Variants in TCFL5 observed in about 807,000 individuals in gnomAD.
TCFL5 encodes transcription factor-like 5 protein.
In TCFL5, 9 loss-of-function variants were observed where a neutral mutation model predicts 44.3. The observed-to-expected ratio is 0.20, with a 90% confidence interval of 0.12 to 0.35. The LOEUF (loss-of-function observed/expected upper bound fraction) is 0.35. Ranked by LOEUF, TCFL5 falls within the 10% of genes least tolerant of loss-of-function variation. The pLI, the probability that TCFL5 is intolerant of heterozygous loss-of-function variation, is 1.00. For missense variants in TCFL5, 603 were observed against 613.4 expected (o/e 0.98, Z 0.18); for synonymous variants, 319 against 271.6 (o/e 1.17, Z -1.72).
chr20:62,852,739 T>G, intron 5 of TCFL5: 1 of 1,278,816 alleles, frequency 7.8e-7, no homozygotes, highest in East Asian at 5.6e-5. Context: ...GACAGAAGCA[T>G]AGTCACCTGG....
At position 62,861,291 on chromosome 20, in the gene TCFL5, TG is replaced by T; in HGVS notation, c.379del (p.Gln127ArgfsTer5). The T allele has an allele frequency of 8.3e-7, 1 of 1,208,390 alleles. No individual in the cohort carries two copies. Among genetic ancestry groups the T allele is most frequent in the Non-Finnish European group, 1.0e-6 (1 of 954,508 alleles). 74.9% of individuals were successfully genotyped at this position (1,208,390 alleles called of 1,614,324 possible). On this transcript the variant is annotated frameshift_variant, in exon 1 of 6. Coordinates refer to ENST00000335351, the MANE Select transcript of TCFL5 (RefSeq NM_006602.4). LOFTEE classifies it high-confidence loss of function. The surrounding 1 kb of genome is among the most constrained non-coding windows in gnomAD (Gnocchi z 4.0). The stretch of plus-strand genomic sequence containing the variant: ...GCTTAGCAGCATCATGCGCAGCTCC[TG>T]GAAGTCGATGTGGCCCAGGCAGGGC... Reference protein sequence around the residue: ...DAPCLGHIDFQELRMMLLSEA... With the variant: ...DAPCLGHIDFXELRMMLLSEA...
At chr20:62,852,632 CA>C in intron 5 of TCFL5, 1 of 985,354 alleles carries the variant, frequency 1.0e-6, no homozygotes, top group East Asian at 1.1e-4. Context: ...CCTAGTCACC[CA>C]GTCCACAGAA....
intron 5 of TCFL5, chr20:62,845,532 T>C (rs2063730423): frequency 1.4e-6 from 2 of 1,446,670 alleles, no homozygotes; most frequent in Non-Finnish European, 1.8e-6. Context: ...ACTTGCCTAT[T>C]TGGCAAGATA....
chr20:62,858,969 C>T (rs2063941620), intron 3 of TCFL5, among the ~76,000 whole-genome samples: 1 of 152,140 alleles, frequency 6.6e-6, no homozygotes, highest in Admixed American at 6.5e-5. Flanking sequence ...ATAGGGTCCT[C>T]CTATTAGCAG....
In TCFL5 at chr20:62,841,081, T is replaced by C. The variant is rs2063675157; in HGVS notation, c.*894A>G. ...ATGATCTCATCCCAATAAAATGATA[T>C]ATTAAACCTTCAGATTAATGACTGG... On this transcript the variant is annotated 3_prime_UTR_variant, in exon 6 of 6. Transcript: ENST00000335351. 2 of 250,134 alleles carry C rather than the reference T, an allele frequency of 8.0e-6. No homozygotes were observed. Among genetic ancestry groups the C allele is most frequent in the Non-Finnish European group, 1.6e-5 (2 of 126,772 alleles). 15.5% of individuals were successfully genotyped at this position (250,134 alleles called of 1,614,324 possible). A position where few individuals can be genotyped will look rare whatever the true frequency, so the allele number is the denominator to read the frequency against.
intron 4 of TCFL5, among the ~76,000 whole-genome samples, chr20:62,856,489 G>A (rs1416841139): frequency 1.3e-5 from 2 of 151,788 alleles, no homozygotes; most frequent in African/African-American, 4.8e-5. Flanking sequence ...CAGATCACGA[G>A]GTCAGGAGAT....
At chr20:62,860,379 A>C in intron 1 of TCFL5, 71 bp from the exon 2 acceptor site, 1 of 1,441,426 alleles carries the variant, frequency 6.9e-7, no homozygotes, top group Non-Finnish European at 9.5e-7. Flanking sequence ...TCCCACTCCC[A>C]TGGCTCTGGC....
At position 62,841,233 on chromosome 20, in the gene TCFL5, A is replaced by G. The variant is rs150325984; in HGVS notation, c.*742T>C. 278 of 164,810 alleles carry G rather than the reference A, an allele frequency of 1.7e-3. No individual in the cohort carries two copies. The highest frequency in any genetic ancestry group is 3.4e-3 in the Admixed American group (59 of 17,504). The allele number at this position is 164,810 out of a possible 1,614,324, so 10.2% of individuals were successfully genotyped here. On this transcript the variant is annotated 3_prime_UTR_variant, in exon 6 of 6. Coordinates refer to ENST00000335351, the MANE Select transcript of TCFL5 (RefSeq NM_006602.4). Reference sequence around the variant, plus strand: ...CAGTATTTATTGAGGGTGACTTTGTATTGCACTAACGTCTATTGCTATTAC... The same window carrying G: ...CAGTATTTATTGAGGGTGACTTTGTGTTGCACTAACGTCTATTGCTATTAC...
chr20:62,861,431 C>A lies in TCFL5; in HGVS notation c.240G>T (p.Ala80=). 8.6e-7 allele frequency: 1 copy of A among 1,157,350 alleles called. No individual in the cohort carries two copies. The highest frequency in any genetic ancestry group is 3.1e-5 in the South Asian group (1 of 32,574). 71.7% of individuals were successfully genotyped at this position (1,157,350 alleles called of 1,614,324 possible). A position where few individuals can be genotyped will look rare whatever the true frequency, so the allele number is the denominator to read the frequency against. ...CGCCCGGGCCCGCCGCCGCCAGCAG[C>A]GCCGAGTTGAGGCGCGTCTCGAGCT... is the stretch of plus-strand genomic sequence containing the variant. ...DGELETRLNS[A]LLAAAGPGAG... The change falls in exon 1 of 6, where the codon GCG becomes GCT. Residue 80 remains alanine (A), a synonymous_variant. Coordinates refer to ENST00000335351, the MANE Select transcript of TCFL5 (RefSeq NM_006602.4). This position sits in a 1 kb window ranked among gnomAD's most constrained non-coding sequence, Gnocchi z 4.0.
intron 3 of TCFL5, among the ~76,000 whole-genome samples, chr20:62,858,664 T>C (rs11907151): frequency 0.21 from 19,982 of 94,364 alleles, 560 homozygotes; most frequent in African/African-American, 0.31. Flanking sequence ...GAAGGGGCTA[T>C]GCAGGTGTTT....
At chr20:62,858,197 G>T (rs2147288836) in intron 3 of TCFL5, among the ~76,000 whole-genome samples, 1 of 152,380 alleles carries the variant, frequency 6.6e-6, no homozygotes, top group East Asian at 1.9e-4. Flanking sequence ...GCAGGAAGAA[G>T]TAGCGTCCGA....
At chr20:62,844,336 C>G (rs116156065) in intron 5 of TCFL5, among the ~76,000 whole-genome samples, 1 of 152,154 alleles carries the variant, frequency 6.6e-6, no homozygotes, top group Admixed American at 6.5e-5. Flanking sequence ...AACGGCTTGG[C>G]GCATCTTTCA....
At chr20:62,858,958 AAT>A (rs1243062256) in intron 3 of TCFL5, among the ~76,000 whole-genome samples, 14 of 82,934 alleles carry the variant, frequency 1.7e-4, no homozygotes, top group African/African-American at 5.9e-4. Flanking sequence ...TGGCAGCCCT[AAT>A]AGGGTCCTCC....
Position 62,846,351 on chromosome 20 carries a change from C to T in TCFL5, c.1381-4254G>A, listed in dbSNP as rs138694710. ...TCTGGACCCTTGCAGGGCCCGCCCACGACCCGTCTCCTGGGAGCTGGGGCA... is the reference window on the plus strand; with the variant it reads ...TCTGGACCCTTGCAGGGCCCGCCCATGACCCGTCTCCTGGGAGCTGGGGCA... On this transcript the variant is annotated intron_variant, in intron 5 of 5. Coordinates refer to ENST00000335351, the MANE Select transcript of TCFL5 (RefSeq NM_006602.4). 1.4e-4 allele frequency among the ~76,000 whole-genome samples: 21 copies of T among 152,282 alleles called. No individual in the cohort carries two copies. In the East Asian group the frequency reaches 3.1e-3, roughly 22 times the overall value.
Position 62,859,459 on chromosome 20 carries a change from A to C in TCFL5, c.899T>G (p.Phe300Cys). The change falls in exon 3 of 6, where the codon TTT (phenylalanine) becomes TGT (cysteine). Residue 300 changes from phenylalanine (F) to cysteine (C), a missense_variant. Physicochemically the swap from Phe to Cys is radical, Grantham distance 205 (BLOSUM62 -2). Coordinates refer to ENST00000335351, the MANE Select transcript of TCFL5 (RefSeq NM_006602.4). ...AATTTCTTGCTGATAACAGAAAGAA[A>C]ATGCTCTAGGCAATCCAATATCCTG... ...KHQDIGLPRA[F>C]SFCYQQEIES... 1 of 1,614,160 alleles carries C rather than the reference A, an allele frequency of 6.2e-7. No individual in the cohort carries two copies. Among genetic ancestry groups the C allele is most frequent in the Non-Finnish European group, 8.5e-7 (1 of 1,180,018 alleles).
intron 5 of TCFL5, chr20:62,852,811 TCACCGAGTC>T: frequency 7.8e-7 from 1 of 1,289,214 alleles, no homozygotes; most frequent in Non-Finnish European, 1.0e-6. Flanking sequence ...AGAAGTATAT[TCACCGAGTC>T]CACAAAGGTA....
At chr20:62,851,638 T>TAA (rs2063811289) in intron 5 of TCFL5, 10 of 985,286 alleles carry the variant, frequency 1.0e-5, no homozygotes, top group Non-Finnish European at 1.2e-5. Context: ...TGCAATTAAA[T>TAA]GTATAATGTA....
At chr20:62,854,451 T>C (rs1264274044) in intron 4 of TCFL5, among the ~76,000 whole-genome samples, 3 of 152,200 alleles carry the variant, frequency 2.0e-5, no homozygotes, top group Non-Finnish European at 2.9e-5. Context: ...TTCAAGTCTC[T>C]AGATTAGGGA....
intron 4 of TCFL5, among the ~76,000 whole-genome samples, chr20:62,856,705 C>CAA (rs11470406): frequency 0.13 from 12,836 of 99,848 alleles, 1,112 homozygotes; most frequent in East Asian, 0.32. Context: ...GACTCCGTCT[C>CAA]AAAAAAAAAA....
Sources: allele counts gnomAD v4.1 joint callset (sites outside exome capture counted in the v4.1 genomes callset), GRCh38; gene constraint gnomAD v4.1.1; non-coding constraint Gnocchi (gnomAD v3.1); transcripts MANE v1.5; gene names NCBI Gene and HGNC (gene_info 2026-07-23, HGNC 2026-07-21).